The following KIF1A variants were observed in gnomAD, a reference collection of about 807,000 sequenced individuals.
The protein encoded by KIF1A is kinesin family member 1A.
KIF1A carries 46 observed loss-of-function variants against 227.3 expected under a neutral mutation model. The ratio of observed to expected loss-of-function variants is 0.20; its 90% CI spans 0.16 to 0.26. The LOEUF (loss-of-function observed/expected upper bound fraction) is 0.26, where lower values mean the gene tolerates loss of function less well. Among genes scored for constraint, KIF1A ranks in the 10% least tolerant of loss-of-function variants. The pLI is 1.00. For missense variants in KIF1A, 1,683 were observed against 2,485.9 expected, an observed-to-expected ratio of 0.68 and a Z score of 6.87; for synonymous variants, 1,022 against 1,012.8, an observed-to-expected ratio of 1.01 and a Z score of -0.17.
At chr2:240,815,913 G>T (rs1050759413) in intron 1 of KIF1A, among the ~76,000 whole-genome samples, 2 of 152,200 alleles carry the variant, frequency 1.3e-5, no homozygotes, top group African/African-American at 4.8e-5. Context: ...AGTGGCATGG[G>T]ATAAAGGGAA....
chr2:240,802,615 A>C (rs1374138967), intron 1 of KIF1A, among the ~76,000 whole-genome samples: 1 of 152,202 alleles, frequency 6.6e-6, no homozygotes, highest in Non-Finnish European at 1.5e-5. Flanking sequence ...GAGGAGGAGA[A>C]AATATATATC....
At chr2:240,797,212 C>T (rs536246932) in intron 2 of KIF1A, among the ~76,000 whole-genome samples, 7 of 152,344 alleles carry the variant, frequency 4.6e-5, no homozygotes, top group African/African-American at 1.7e-4. Context: ...ATAAGAAAGC[C>T]AAACCCAGTG....
intron 14 of KIF1A, 67 bp downstream of exon 14, chr2:240,772,503 A>G: frequency 7.1e-7 from 1 of 1,411,160 alleles, no homozygotes; most frequent in Non-Finnish European, 9.8e-7. Context: ...TGACCATGCC[A>G]CCCTAGGCCC....
chr2:240,765,898 C>T lies in KIF1A; in HGVS notation c.1685-105G>A, dbSNP rs148695961. On this transcript the variant is annotated intron_variant, in intron 19 of 48. Transcript: ENST00000498729. The stretch of plus-strand genomic sequence containing the variant: ...GGCATGGCCTCTTCCAAGCCTCTCG[C>T]CTCTCTTTTCCCTGCTACACAGGCC... 732 of 775,700 alleles carry T rather than the reference C, an allele frequency of 9.4e-4. 1 individual carries two copies. The African/African-American group carries it at 0.011, about 12-fold the overall frequency. The allele number at this position is 775,700 out of a possible 1,614,324, so 48.1% of individuals were successfully genotyped here.
chr2:240,753,037 T>C (rs563586281), intron 27 of KIF1A, among the ~76,000 whole-genome samples: 1 of 152,300 alleles, frequency 6.6e-6, no homozygotes, highest in East Asian at 1.9e-4. Flanking sequence ...CAGGGGCTGC[T>C]GGCAGTGAGC....
At chr2:240,780,798 C>A (rs1216168380) in intron 10 of KIF1A, among the ~76,000 whole-genome samples, 4 of 34,934 alleles carry the variant, frequency 1.1e-4, no homozygotes, top group African/African-American at 4.6e-4. Context: ...ACACACAGCT[C>A]CACACACACA....
chr2:240,760,723 C>A lies in KIF1A; in HGVS notation c.2386G>T (p.Val796Leu). 1 of 1,588,320 alleles carries A rather than the reference C, an allele frequency of 6.3e-7. No individual in the cohort carries two copies. Among genetic ancestry groups the A allele is most frequent in the Non-Finnish European group, 8.6e-7 (1 of 1,166,810 alleles). Residue 796 changes from valine to leucine, a missense_variant, in exon 25 of 49, where the codon GTG (valine) becomes TTG (leucine). By Grantham distance (32) the Val-to-Leu change is conservative. Coordinates refer to ENST00000498729, the MANE Select transcript of KIF1A (RefSeq NM_001244008.2). ...TRPFPRTIVAVEVQDQKNGAT... is the reference protein window; with the variant it reads ...TRPFPRTIVALEVQDQKNGAT... ...CCGTTCTTCTGGTCCTGGACCTCCA[C>A]GGCCACAATGGTGCGGGGGAAGGGC...
Position 240,761,295 on chromosome 2 carries a change from G to A in KIF1A, c.2199C>T (p.Asp733=), listed in dbSNP as rs1242337363. ...GGAAGATGGCGTTGCCCCACAGCAG[G>A]TCCCGCAGAGACGTGAACTGGTACC... ...WKWYQFTSLR[D]LLWGNAIFLK... is the part of the protein sequence containing the mutation. The change falls in exon 24 of 49, where the codon GAC becomes GAT. Residue 733 remains aspartate, a synonymous_variant. Coordinates refer to ENST00000498729, the MANE Select transcript of KIF1A (RefSeq NM_001244008.2). The A allele has an allele frequency of 2.5e-6, 4 of 1,613,906 alleles. No individual in the cohort carries two copies. Among genetic ancestry groups the A allele is most frequent in the Non-Finnish European group, 3.4e-6 (4 of 1,179,838 alleles).
chr2:240,761,044 C>T (rs2125892282), intron 24 of KIF1A, among the ~76,000 whole-genome samples, 185 bp downstream of exon 24: 1 of 152,310 alleles, frequency 6.6e-6, no homozygotes, highest in Admixed American at 6.5e-5. Flanking sequence ...GCAGCCAAGT[C>T]CCACCTGGCC....
At chr2:240,800,146 A>ACACACT (rs1553640864) in intron 1 of KIF1A, among the ~76,000 whole-genome samples, 2 of 150,286 alleles carry the variant, frequency 1.3e-5, no homozygotes, top group African/African-American at 4.9e-5. Context: ...ACACACACAC[A>ACACACT]CTAAAGAAAA....
chr2:240,817,506 T>C (rs975464786), intron 1 of KIF1A, among the ~76,000 whole-genome samples: 14 of 152,158 alleles, frequency 9.2e-5, no homozygotes, highest in Admixed American at 3.3e-4. Context: ...CCACCCGTGG[T>C]AGCGGCTCAG....
rs777141916 is a variant in KIF1A, at chr2:240,718,992, G to A, written c.5214+14C>T. 90 of 1,590,874 alleles carry A rather than the reference G, an allele frequency of 5.7e-5. No individual in the cohort carries two copies. Among genetic ancestry groups the A allele is most frequent in the East Asian group, 1.4e-4 (6 of 44,188 alleles). On this transcript the variant is annotated intron_variant, in intron 47 of 48. Transcript: ENST00000498729. The stretch of plus-strand genomic sequence containing the variant: ...GGTTCCTGGTGCCCGAGCCTGAGCC[G>A]GGCCCAGCCGCACCTTGAGCATAGC...
At chr2:240,773,281 C>T in intron 12 of KIF1A, 25 bp from the exon 13 acceptor site, 1 of 1,613,496 alleles carries the variant, frequency 6.2e-7, no homozygotes, top group Non-Finnish European at 8.5e-7. Context: ...GGGCTGTGGG[C>T]TGTGCTCGGG....
intron 1 of KIF1A, among the ~76,000 whole-genome samples, chr2:240,813,856 G>T (rs1331553910): frequency 6.6e-6 from 1 of 152,178 alleles, no homozygotes; most frequent in East Asian, 1.9e-4. Context: ...GGAAGGACAG[G>T]CAAAGCATGG....
intron 40 of KIF1A, 135 bp from the exon 41 acceptor site, chr2:240,724,171 GA>G: frequency 1.3e-6 from 1 of 762,784 alleles, no homozygotes. Flanking sequence ...TGAGGTCCCT[GA>G]GCTACAGCCC....
intron 14 of KIF1A, among the ~76,000 whole-genome samples, chr2:240,771,798 C>T (rs562760528): frequency 1.3e-5 from 2 of 152,344 alleles, no homozygotes; most frequent in South Asian, 4.1e-4. Flanking sequence ...GAGGCCCTTC[C>T]CCTCCACCAC....
At chr2:240,765,672 C>T (rs1443749593) in intron 20 of KIF1A, 38 bp downstream of exon 20, 3 of 1,526,284 alleles carry the variant, frequency 2.0e-6, no homozygotes, top group Non-Finnish European at 2.7e-6. Context: ...CCTCATGCCT[C>T]TGCCTACCTG....
chr2:240,716,008 A>G lies in KIF1A; in HGVS notation c.*1356T>C, dbSNP rs1025934680. The G allele has an allele frequency of 3.3e-5, 5 of 152,248 alleles. No homozygotes were observed. The highest frequency in any genetic ancestry group is 5.9e-5 in the Non-Finnish European group (4 of 68,024). The allele number at this position is 152,248 out of a possible 1,614,324, so 9.4% of individuals were successfully genotyped here. A position where few individuals can be genotyped will look rare whatever the true frequency, so the allele number is the denominator to read the frequency against. On this transcript the variant is annotated 3_prime_UTR_variant, in exon 49 of 49. Transcript: ENST00000498729. Reference sequence around the variant, plus strand: ...CCCTAGGCCTCTGGACATGACTCCTATGACCAGACTCTCAGCTTGGGGCTG... The same window carrying G: ...CCCTAGGCCTCTGGACATGACTCCTGTGACCAGACTCTCAGCTTGGGGCTG...
intron 46 of KIF1A, 127 bp from the exon 47 acceptor site, chr2:240,719,325 C>A: frequency 9.0e-7 from 1 of 1,115,920 alleles, no homozygotes. Context: ...GAAAGTGGGT[C>A]GAGGCATCGA....
Sources: allele counts gnomAD v4.1 joint callset (sites outside exome capture counted in the v4.1 genomes callset), GRCh38; gene constraint gnomAD v4.1.1; transcripts MANE v1.5; gene names NCBI Gene and HGNC (gene_info 2026-07-23, HGNC 2026-07-21).